ASIC2: variants seen among roughly 807,000 people sequenced by gnomAD.
ASIC2 encodes acid-sensing ion channel 2.
A neutral mutation model predicts 57.3 loss-of-function variants in ASIC2; 25 were observed. The ratio of observed to expected loss-of-function variants is 0.44; its 90% confidence interval spans 0.32 to 0.61. The LOEUF is 0.61. ASIC2 is among the 20% of genes least tolerant of loss of function. ASIC2 has a pLI of 0.06. For synonymous variants in ASIC2, 319 were observed against 307.5 expected (o/e 1.04, Z -0.39); for missense variants, 641 against 738.1 (o/e 0.87, Z 1.52).
intron 1 of ASIC2, among the ~76,000 whole-genome samples, chr17:34,033,580 C>G (rs963582255): frequency 3.3e-5 from 5 of 151,886 alleles, no homozygotes; most frequent in African/African-American, 9.7e-5. Context: ...CCGGGAGTTG[C>G]TTTTTGAAAA....
chr17:33,440,143 G>T (rs926963112), intron 1 of ASIC2, among the ~76,000 whole-genome samples: 3 of 152,070 alleles, frequency 2.0e-5, no homozygotes, highest in Non-Finnish European at 4.4e-5. Context: ...GCCCATTTGC[G>T]GTCAATCCAC....
At chr17:33,628,588 G>A (rs547404907) in intron 1 of ASIC2, among the ~76,000 whole-genome samples, 5 of 152,044 alleles carry the variant, frequency 3.3e-5, no homozygotes, top group South Asian at 2.1e-4. Flanking sequence ...GAGCCGCCTC[G>A]CCAACCCTAT....
chr17:33,507,416 A>G (rs1394601764), intron 1 of ASIC2, among the ~76,000 whole-genome samples: 1 of 152,116 alleles, frequency 6.6e-6, no homozygotes, highest in Non-Finnish European at 1.5e-5. Flanking sequence ...TCCCAGGCTG[A>G]TATTTTCTGA....
intron 1 of ASIC2, among the ~76,000 whole-genome samples, chr17:33,472,364 A>G (rs1342759541): frequency 2.0e-5 from 3 of 152,172 alleles, no homozygotes; most frequent in Admixed American, 6.5e-5. Context: ...AACACCCACC[A>G]TGCACTGGGC....
chr17:33,882,964 A>G (rs888434035), intron 1 of ASIC2, among the ~76,000 whole-genome samples: 2 of 152,208 alleles, frequency 1.3e-5, no homozygotes, highest in African/African-American at 4.8e-5. Context: ...TTGTAGGGAC[A>G]TGGATGAAGC....
At chr17:33,105,910 G>A (rs2092232759) in intron 2 of ASIC2, among the ~76,000 whole-genome samples, 1 of 152,210 alleles carries the variant, frequency 6.6e-6, no homozygotes, top group Non-Finnish European at 1.5e-5. Context: ...GAACTTGAGA[G>A]AGACGATTTA....
At chr17:33,161,318 C>A (rs557473046) in intron 1 of ASIC2, among the ~76,000 whole-genome samples, 12 of 152,278 alleles carry the variant, frequency 7.9e-5, no homozygotes, top group African/African-American at 2.6e-4. Flanking sequence ...CCTTCTTTTC[C>A]TCTCAAACCT....
chr17:33,664,479 A>T (rs749147339), intron 1 of ASIC2, among the ~76,000 whole-genome samples: 8 of 152,208 alleles, frequency 5.3e-5, no homozygotes, highest in Non-Finnish European at 8.8e-5. Flanking sequence ...AGATGATCCA[A>T]TGAGAGCTGA....
chr17:33,969,330 A>G (rs769127156), intron 1 of ASIC2, among the ~76,000 whole-genome samples: 1 of 152,214 alleles, frequency 6.6e-6, no homozygotes, highest in Non-Finnish European at 1.5e-5. Context: ...GTGGGCTGAC[A>G]AAATGAATGA....
intron 1 of ASIC2, among the ~76,000 whole-genome samples, chr17:33,192,525 T>C (rs1439917605): frequency 1.3e-5 from 2 of 152,268 alleles, no homozygotes; most frequent in East Asian, 3.8e-4. Flanking sequence ...GAAGGACTAT[T>C]GACATCCCCT....
intron 3 of ASIC2, among the ~76,000 whole-genome samples, chr17:33,050,308 C>T (rs759492500): frequency 9.9e-5 from 15 of 152,172 alleles, no homozygotes; most frequent in Non-Finnish European, 1.5e-4. Context: ...GTTGACAAAA[C>T]GTATTGGCGG....
At chr17:33,983,343 A>C (rs1905694531) in intron 1 of ASIC2, among the ~76,000 whole-genome samples, 2 of 152,176 alleles carry the variant, frequency 1.3e-5, no homozygotes, top group South Asian at 4.1e-4. Flanking sequence ...ATGAGTCTTA[A>C]TCTCAGTGTC....
chr17:34,029,610 T>C (rs1319492399), intron 1 of ASIC2, among the ~76,000 whole-genome samples: 3 of 152,154 alleles, frequency 2.0e-5, no homozygotes, highest in African/African-American at 4.8e-5. Flanking sequence ...AATGAGGTCA[T>C]ACCAGTAAGG....
intron 1 of ASIC2, among the ~76,000 whole-genome samples, chr17:33,691,315 A>G (rs1174551281): frequency 1.3e-5 from 2 of 152,236 alleles, no homozygotes; most frequent in Non-Finnish European, 2.9e-5. Context: ...TGCCCCACAT[A>G]GAGGTTGTAC....
At chr17:33,457,644 CTGA>C (rs1397296177) in intron 1 of ASIC2, among the ~76,000 whole-genome samples, 6 of 152,102 alleles carry the variant, frequency 3.9e-5, no homozygotes, top group African/African-American at 7.2e-5. Context: ...GCTGCTGCTG[CTGA>C]TGATGATGAT....
At chr17:33,176,000 C>A (rs897826389) in intron 1 of ASIC2, among the ~76,000 whole-genome samples, 2 of 152,222 alleles carry the variant, frequency 1.3e-5, no homozygotes, top group Admixed American at 1.3e-4. Flanking sequence ...GTACACCCAG[C>A]AAGCAATGAT....
rs573414842 is a variant in ASIC2, at chr17:33,846,977, C to T, written c.555+309001G>A. On this transcript the variant is annotated intron_variant, in intron 1 of 9. Transcript: ENST00000359872. ...CATCTCCTCTTATCCTGTACAATTCCGTCTCAGCTCCTCAGGCTCTCAGCA... is the reference window on the plus strand; with the variant it reads ...CATCTCCTCTTATCCTGTACAATTCTGTCTCAGCTCCTCAGGCTCTCAGCA... Among the ~76,000 whole-genome samples the T allele has an allele frequency of 3.9e-5, 6 of 152,202 alleles. No homozygotes were observed. The East Asian group carries it at 5.8e-4, about 15-fold the overall frequency.
chr17:33,877,156 C>T lies in ASIC2; in HGVS notation c.555+278822G>A, dbSNP rs185166922. On this transcript the variant is annotated intron_variant, in intron 1 of 9. Coordinates refer to the ASIC2 transcript ENST00000359872. The stretch of plus-strand genomic sequence containing the variant: ...GATGAGGTGGTGGAGCCAAGATGGC[C>T]GAATAGGAGCTCCAGTCTACAGCTC... Among the ~76,000 whole-genome samples, 1,089 of 152,230 alleles carry T rather than the reference C, an allele frequency of 7.2e-3. 4 individuals are homozygous for T. Among genetic ancestry groups the T allele is most frequent in the Non-Finnish European group, 0.012 (819 of 68,008 alleles).
chr17:33,537,285 C>G (rs1597773116), intron 1 of ASIC2, among the ~76,000 whole-genome samples: 1 of 152,126 alleles, frequency 6.6e-6, no homozygotes, highest in Non-Finnish European at 1.5e-5. Flanking sequence ...CTCAAATGCT[C>G]TTCCCCTTGA....
Sources: gnomAD v4.1 joint callset for allele counts (sites outside exome capture counted in the v4.1 genomes callset) on GRCh38, gnomAD v4.1.1 for gene constraint, MANE v1.5 for transcripts, NCBI Gene and HGNC (gene_info 2026-07-23, HGNC 2026-07-21) for gene names.